Variants in GREB1L observed in about 807,000 individuals in gnomAD.
GREB1L encodes GREB1 like retinoic acid receptor coactivator.
Under a neutral mutation model 200.8 loss-of-function variants are expected in GREB1L, and 17 were observed. The ratio of observed to expected loss-of-function variants is 0.08; its 90% CI spans 0.06 to 0.13. The LOEUF is 0.13. GREB1L is among the 10% of genes least tolerant of loss of function. The pLI is 1.00. For missense variants in GREB1L, 1,657 were observed against 2,367.7 expected, an observed-to-expected ratio of 0.70 and a Z score of 6.23; for synonymous variants, 789 against 893.0, an observed-to-expected ratio of 0.88 and a Z score of 2.08.
intron 15 of GREB1L, among the ~76,000 whole-genome samples, chr18:21,464,871 A>G (rs980107218): frequency 2.0e-5 from 3 of 152,212 alleles, no homozygotes; most frequent in African/African-American, 7.2e-5. Context: ...AAATAATGTC[A>G]TGAAAGATTA....
At chr18:21,284,222 A>G (rs1017139567) in intron 1 of GREB1L, among the ~76,000 whole-genome samples, 12 of 152,208 alleles carry the variant, frequency 7.9e-5, no homozygotes, top group Non-Finnish European at 1.2e-4. Context: ...AAAATGTACA[A>G]TGCAGTGGTT....
At chr18:21,333,083 T>C (rs1030437542) in intron 1 of GREB1L, among the ~76,000 whole-genome samples, 1 of 151,952 alleles carries the variant, frequency 6.6e-6, no homozygotes, top group African/African-American at 2.4e-5. Flanking sequence ...CCTATGTTAA[T>C]ACACACACAC....
chr18:21,335,009 G>T (rs2145083577), intron 1 of GREB1L, among the ~76,000 whole-genome samples: 1 of 152,296 alleles, frequency 6.6e-6, no homozygotes, highest in Admixed American at 6.5e-5. Flanking sequence ...CCCACTAGCT[G>T]TATGAATTCA....
chr18:21,517,178 G>C (rs1174794894), intron 30 of GREB1L, among the ~76,000 whole-genome samples: 1 of 152,068 alleles, frequency 6.6e-6, no homozygotes, highest in Non-Finnish European at 1.5e-5. Flanking sequence ...CCGGCCATTA[G>C]GGAGTTCTTA....
rs1334801282 is a variant in GREB1L at position 21,516,608 on chromosome 18, T to A, written c.5130-5T>A. On this transcript the variant is annotated splice_polypyrimidine_tract_variant and splice_region_variant and intron_variant, in intron 29 of 32. Transcript: ENST00000424526. ...AAGAAAACTATTGTTGTGGTTACAA[T>A]TTAGGTATTTCTGTGAAGATGCTGA... 1.3e-6 allele frequency: 2 copies of A among 1,551,216 alleles called. No individual in the cohort carries two copies. Among genetic ancestry groups the A allele is most frequent in the South Asian group, 2.4e-5 (2 of 84,046 alleles).
chr18:21,383,675 G>A lies in GREB1L; in HGVS notation c.157G>A (p.Asp53Asn). The A allele has an allele frequency of 6.5e-7, 1 of 1,548,416 alleles. No homozygotes were observed. The highest frequency in any genetic ancestry group is 8.7e-7 in the Non-Finnish European group (1 of 1,145,924). The change falls in exon 3 of 33, where the codon GAT (aspartate) becomes AAT (asparagine). Residue 53 changes from aspartate (D) to asparagine (N), a missense_variant and splice_region_variant. Physicochemically the swap from Asp to Asn is conservative, Grantham distance 23. Around this residue, in one of 9 missense-constraint regions of GREB1L, gnomAD observed 121 missense variants for 126.6 expected, o/e 0.96. Transcript: ENST00000424526. ...DPDQHPFSSA[D>N]VKPKVEDLDK... The stretch of plus-strand genomic sequence containing the variant: ...TGACCAGCATCCTTTCTCATCTGCA[G>A]GTAAGTTTCTCAATCACACACATTT...
At chr18:21,492,218 C>T (rs573552446) in intron 19 of GREB1L, among the ~76,000 whole-genome samples, 251 of 151,518 alleles carry the variant, frequency 1.7e-3, no homozygotes, top group African/African-American at 5.8e-3. Context: ...TGGTGGCGGG[C>T]GCCTGTGGTC....
chr18:21,468,621 AC>A, intron 15 of GREB1L: 2 of 427,348 alleles, frequency 4.7e-6, no homozygotes, highest in South Asian at 3.3e-5. Flanking sequence ...TTAACAACTT[AC>A]CTAACTATAA....
rs2038383767 is a variant in GREB1L, at chr18:21,287,914, C to A, written c.-120+45521C>A. Reference sequence around the variant, plus strand: ...GGTTCAAGTGATTCTCTTGCCTCAACCTCCCGGGTAGCTGGGATTACAGGC... The same window carrying A: ...GGTTCAAGTGATTCTCTTGCCTCAAACTCCCGGGTAGCTGGGATTACAGGC... On this transcript the variant is annotated intron_variant, in intron 1 of 32. Coordinates refer to ENST00000424526, the MANE Select transcript of GREB1L (RefSeq NM_001142966.3). Among the ~76,000 whole-genome samples the A allele has an allele frequency of 2.6e-5, 4 of 151,274 alleles. No individual in the cohort carries two copies. In the South Asian group the frequency reaches 8.4e-4, roughly 32 times the overall value.
chr18:21,447,320 A>C lies in GREB1L; in HGVS notation c.1394-2190A>C, dbSNP rs116794841. Among the ~76,000 whole-genome samples, 696 of 152,278 alleles carry C rather than the reference A, an allele frequency of 4.6e-3. 6 individuals carry two copies. Among genetic ancestry groups the C allele is most frequent in the African/African-American group, 0.016 (667 of 41,548 alleles). Reference sequence around the variant, plus strand: ...AATTTAAAAAAAAAATTTTTTTAAAAGGCTGAGGATGAAAAAGTGATAGTT... The same window carrying C: ...AATTTAAAAAAAAAATTTTTTTAAACGGCTGAGGATGAAAAAGTGATAGTT... On this transcript the variant is annotated intron_variant, in intron 11 of 32. Coordinates refer to ENST00000424526, the MANE Select transcript of GREB1L (RefSeq NM_001142966.3).
intron 7 of GREB1L, among the ~76,000 whole-genome samples, chr18:21,432,015 T>G (rs2033194007): frequency 6.8e-6 from 1 of 147,906 alleles, no homozygotes; most frequent in Non-Finnish European, 1.5e-5. Context: ...CTCCGCCTCC[T>G]GGGTTCACAC....
At chr18:21,402,415 TTA>T (rs1373624657) in intron 6 of GREB1L, among the ~76,000 whole-genome samples, 1 of 151,858 alleles carries the variant, frequency 6.6e-6, no homozygotes, top group Non-Finnish European at 1.5e-5. Flanking sequence ...CTCTTTTCAT[TTA>T]TCTTTTTTTC....
intron 1 of GREB1L, among the ~76,000 whole-genome samples, chr18:21,340,813 G>T (rs771896890): frequency 5.3e-5 from 8 of 152,162 alleles, no homozygotes; most frequent in Non-Finnish European, 8.8e-5. Context: ...AAAGTGCTGG[G>T]ATTACAGGCG....
intron 17 of GREB1L, among the ~76,000 whole-genome samples, chr18:21,478,432 G>A (rs574984132): frequency 1.3e-4 from 20 of 152,130 alleles, no homozygotes; most frequent in African/African-American, 4.3e-4. Flanking sequence ...TGAACACACT[G>A]GATATTTTAA....
At chr18:21,503,398 G>A (rs1045811239) in intron 23 of GREB1L, among the ~76,000 whole-genome samples, 1 of 151,742 alleles carries the variant, frequency 6.6e-6, no homozygotes, top group African/African-American at 2.4e-5. Flanking sequence ...GTAGAGGTGA[G>A]GTTTCACCAT....
At chr18:21,442,624 C>T (rs1019287586) in intron 10 of GREB1L, among the ~76,000 whole-genome samples, 3 of 152,130 alleles carry the variant, frequency 2.0e-5, no homozygotes, top group African/African-American at 7.2e-5. Context: ...ATATTTTGGA[C>T]ATATTTTATC....
chr18:21,389,297 G>A (rs189234692), intron 4 of GREB1L, among the ~76,000 whole-genome samples: 6 of 144,038 alleles, frequency 4.2e-5, no homozygotes, highest in African/African-American at 7.7e-5. Context: ...GTTGGTTCTC[G>A]TGCCACTTTT....
intron 1 of GREB1L, among the ~76,000 whole-genome samples, chr18:21,302,801 A>C (rs1801299403): frequency 6.6e-6 from 1 of 152,032 alleles, no homozygotes; most frequent in Admixed American, 6.6e-5. Flanking sequence ...GGCTCACTGC[A>C]ACCTCCCCCT....
At chr18:21,323,443 A>C (rs567115100) in intron 1 of GREB1L, among the ~76,000 whole-genome samples, 1 of 152,346 alleles carries the variant, frequency 6.6e-6, no homozygotes, top group Non-Finnish European at 1.5e-5. Context: ...AAAATGGAAA[A>C]ATGAATAAAG....
Sources: gnomAD v4.1 joint callset for allele counts (sites outside exome capture counted in the v4.1 genomes callset) on GRCh38, gnomAD v4.1.1 for gene constraint, gnomAD v4.1.1 regional missense constraint, MANE v1.5 for transcripts, NCBI Gene and HGNC (gene_info 2026-07-23, HGNC 2026-07-21) for gene names.